The following CNBD1 variants were observed in gnomAD, a reference collection of about 807,000 sequenced individuals.
CNBD1 encodes the protein cyclic nucleotide binding domain containing 1, also known as cyclic nucleotide-binding domain-containing protein 1.
Under a neutral mutation model 54.4 loss-of-function variants are expected in CNBD1, and 71 were observed. That is an observed-to-expected ratio of 1.30 (90% CI 1.08 to 1.59). The LOEUF (loss-of-function observed/expected upper bound fraction) is 1.59, where lower values mean the gene tolerates loss of function less well. CNBD1 is among the 40% of genes most tolerant of loss of function. The pLI, the probability that CNBD1 is intolerant of heterozygous loss-of-function variation, is 0.00. For synonymous variants in CNBD1, 182 were observed against 170.7 expected (o/e 1.07, Z -0.51); for missense variants, 659 against 518.0 (o/e 1.27, Z -2.64).
chr8:87,134,238 A>G (rs1812179175), intron 4 of CNBD1, among the ~76,000 whole-genome samples: 1 of 152,184 alleles, frequency 6.6e-6, no homozygotes, highest in African/African-American at 2.4e-5. Context: ...AATATTATTC[A>G]TCAATGCACA....
At chr8:87,310,986 A>C (rs1399372764) in intron 8 of CNBD1, among the ~76,000 whole-genome samples, 1 of 152,076 alleles carries the variant, frequency 6.6e-6, no homozygotes, top group Non-Finnish European at 1.5e-5. Context: ...AGACCTCAAA[A>C]TATAAGAACC....
intron 8 of CNBD1, among the ~76,000 whole-genome samples, chr8:87,339,185 T>A (rs1366847209): frequency 4.6e-5 from 7 of 152,120 alleles, no homozygotes; most frequent in Non-Finnish European, 1.0e-4. Context: ...GTTCTTCCCC[T>A]CCCCTCACTG....
At chr8:87,030,000 A>G (rs1809746164) in intron 4 of CNBD1, among the ~76,000 whole-genome samples, 2 of 152,216 alleles carry the variant, frequency 1.3e-5, no homozygotes, top group Admixed American at 1.3e-4. Context: ...AAATTTAGAT[A>G]TGCTTTTTAA....
chr8:87,423,205 T>A (rs199555614), intron 2 of CNBD1, among the ~76,000 whole-genome samples: 6 of 152,216 alleles, frequency 3.9e-5, no homozygotes, highest in South Asian at 2.1e-4. Flanking sequence ...TAGATATACA[T>A]TCATGTCATC....
intron 4 of CNBD1, among the ~76,000 whole-genome samples, chr8:87,039,883 A>G (rs945268718): frequency 2.6e-5 from 4 of 152,088 alleles, no homozygotes; most frequent in African/African-American, 9.7e-5. Flanking sequence ...ATCAATCCCT[A>G]TGATTTCATA....
intron 2 of CNBD1, among the ~76,000 whole-genome samples, chr8:87,421,685 T>C (rs1240959645): frequency 4.9e-4 from 74 of 151,458 alleles, no homozygotes; most frequent in African/African-American, 1.5e-3. Context: ...TGTTGGACAT[T>C]TGGGTTGGTT....
chr8:87,306,861 G>T (rs1809162262), intron 8 of CNBD1, among the ~76,000 whole-genome samples: 4 of 151,968 alleles, frequency 2.6e-5, no homozygotes, highest in African/African-American at 9.7e-5. Context: ...CACCACTAAA[G>T]AACTTAATCA....
At chr8:86,973,819 G>C (rs554299074) in intron 4 of CNBD1, among the ~76,000 whole-genome samples, 1 of 152,108 alleles carries the variant, frequency 6.6e-6, no homozygotes, top group East Asian at 1.9e-4. Context: ...GGAAAAGGAG[G>C]GGATAAAAGA....
chr8:87,413,503 T>G (rs1170445200), intron 2 of CNBD1, among the ~76,000 whole-genome samples: 1 of 152,056 alleles, frequency 6.6e-6, no homozygotes, highest in Non-Finnish European at 1.5e-5. Context: ...AAGGCAAAAA[T>G]GCTTAAGATA....
chr8:87,332,990 C>T (rs753162162), intron 8 of CNBD1, among the ~76,000 whole-genome samples: 17 of 152,074 alleles, frequency 1.1e-4, no homozygotes, highest in Non-Finnish European at 2.4e-4. Context: ...GATCTTGATT[C>T]TTCCCATCTA....
intron 4 of CNBD1, among the ~76,000 whole-genome samples, chr8:86,983,730 T>A (rs544368554): frequency 2.0e-5 from 3 of 152,328 alleles, no homozygotes; most frequent in African/African-American, 7.2e-5. Context: ...TCAAGAGAGA[T>A]GATTTTGGGT....
intron 3 of CNBD1, among the ~76,000 whole-genome samples, chr8:86,928,160 T>G (rs570563790): frequency 2.3e-4 from 35 of 152,246 alleles, no homozygotes; most frequent in African/African-American, 8.4e-4. Flanking sequence ...TTTAGGGTTT[T>G]AAGGTTTTGT....
intron 4 of CNBD1, among the ~76,000 whole-genome samples, chr8:87,126,530 A>G (rs968477628): frequency 1.8e-4 from 27 of 152,018 alleles, no homozygotes; most frequent in African/African-American, 6.5e-4. Flanking sequence ...ATAAATTTTT[A>G]TATATTATGG....
chr8:86,908,958 A>G lies in CNBD1; in HGVS notation c.272+3764A>G, dbSNP rs574517018. On this transcript the variant is annotated intron_variant, in intron 3 of 10. Transcript: ENST00000518476. ...TTTTTAGTAGCGACGAGGTTTCACC[A>G]TGTTGGCTAGGATGGTCTGGATCTC... Among the ~76,000 whole-genome samples, 5 of 152,132 alleles carry G rather than the reference A, an allele frequency of 3.3e-5. No homozygotes were observed. In the East Asian group the frequency reaches 9.7e-4, roughly 29 times the overall value.
chr8:87,277,082 A>G (rs1370382462), intron 6 of CNBD1, among the ~76,000 whole-genome samples: 1 of 151,572 alleles, frequency 6.6e-6, no homozygotes, highest in Non-Finnish European at 1.5e-5. Flanking sequence ...ATATATATAT[A>G]TATACACATA....
At chr8:87,351,316 A>C (rs1173055402) in intron 8 of CNBD1, among the ~76,000 whole-genome samples, 1 of 152,022 alleles carries the variant, frequency 6.6e-6, no homozygotes, top group Non-Finnish European at 1.5e-5. Flanking sequence ...GTTTGTTATT[A>C]AACTATCAGA....
chr8:87,381,744 A>C (rs1434206580), intron 10 of CNBD1, among the ~76,000 whole-genome samples: 1 of 152,014 alleles, frequency 6.6e-6, no homozygotes, highest in Non-Finnish European at 1.5e-5. Context: ...ACATGAAATA[A>C]GCCAGTCACA....
intron 4 of CNBD1, among the ~76,000 whole-genome samples, chr8:86,981,107 T>C (rs1586177801): frequency 1.3e-5 from 2 of 152,362 alleles, no homozygotes; most frequent in South Asian, 4.1e-4. Flanking sequence ...AAGTAGAGAA[T>C]ATAATTTGGA....
chr8:86,959,065 A>G (rs1052727131), intron 4 of CNBD1, among the ~76,000 whole-genome samples: 1 of 152,068 alleles, frequency 6.6e-6, no homozygotes, highest in Non-Finnish European at 1.5e-5. Flanking sequence ...ATCTCTCTGC[A>G]TTTGTTTGTC....
Sources: gnomAD v4.1 joint callset for allele counts (sites outside exome capture counted in the v4.1 genomes callset) on GRCh38, gnomAD v4.1.1 for gene constraint, MANE v1.5 for transcripts, NCBI Gene and HGNC (gene_info 2026-07-23, HGNC 2026-07-21) for gene names.